The following HPSE2 variants were observed in gnomAD, a reference collection of about 807,000 sequenced individuals.
The protein encoded by HPSE2 is heparanase 2 (inactive), also known as inactive heparanase-2.
HPSE2 carries 38 observed loss-of-function variants against 60.5 expected under a neutral mutation model. The observed-to-expected ratio is 0.63, with a 90% CI of 0.48 to 0.82. The LOEUF (loss-of-function observed/expected upper bound fraction) is 0.82, where lower values mean the gene tolerates loss of function less well. HPSE2 is among the 40% of genes least tolerant of loss of function. The pLI is 0.00. For missense variants in HPSE2, 713 were observed against 740.4 expected (o/e 0.96, Z 0.43); for synonymous variants, 295 against 293.2 (o/e 1.01, Z -0.06).
At chr10:99,066,299 C>T (rs1184640430) in intron 3 of HPSE2, among the ~76,000 whole-genome samples, 4 of 151,980 alleles carry the variant, frequency 2.6e-5, no homozygotes, top group African/African-American at 9.7e-5. Flanking sequence ...TTTTAAATGG[C>T]TCTATTAGAA....
At chr10:98,664,426 A>C (rs750113601) in intron 6 of HPSE2, among the ~76,000 whole-genome samples, 12 of 152,126 alleles carry the variant, frequency 7.9e-5, no homozygotes, top group Non-Finnish European at 1.5e-4. Context: ...TTTGCCAGCC[A>C]GGGAATCTGC....
At chr10:98,531,747 T>C (rs1943137276) in intron 9 of HPSE2, among the ~76,000 whole-genome samples, 2 of 152,140 alleles carry the variant, frequency 1.3e-5, no homozygotes, top group Admixed American at 1.3e-4. Flanking sequence ...GCTATTTTTC[T>C]GGATATCTAA....
chr10:99,059,055 C>G (rs1260785088), intron 3 of HPSE2, among the ~76,000 whole-genome samples: 1 of 152,148 alleles, frequency 6.6e-6, no homozygotes, highest in African/African-American at 2.4e-5. Flanking sequence ...ATTTCATATA[C>G]TTTTCACATG....
At chr10:99,263,466 T>C in the HPSE2 span, among the ~76,000 whole-genome samples, 1 of 152,242 alleles carries the variant, frequency 6.6e-6, no homozygotes, top group Non-Finnish European at 1.5e-5. Context: ...CCATCATTAA[T>C]GCCTCTTTAA....
intron 9 of HPSE2, among the ~76,000 whole-genome samples, chr10:98,569,250 G>C (rs1269026040): frequency 6.6e-6 from 1 of 151,754 alleles, no homozygotes; most frequent in African/African-American, 2.4e-5. Flanking sequence ...ATTTTGAGAT[G>C]GGGTTTCACC....
intron 5 of HPSE2, among the ~76,000 whole-genome samples, chr10:98,715,155 G>A (rs934739817): frequency 6.6e-6 from 1 of 151,630 alleles, no homozygotes; most frequent in African/African-American, 2.4e-5. Flanking sequence ...CATTCTTGAT[G>A]GTGTCATTCG....
intron 3 of HPSE2, among the ~76,000 whole-genome samples, chr10:99,015,816 A>T (rs548495094): frequency 6.6e-6 from 1 of 152,326 alleles, no homozygotes; most frequent in Admixed American, 6.5e-5. Flanking sequence ...CTTAAAGTAT[A>T]ATTAAAATAA....
chr10:98,988,349 C>T (rs571793884), intron 3 of HPSE2, among the ~76,000 whole-genome samples: 290 of 152,378 alleles, frequency 1.9e-3, no homozygotes, highest in African/African-American at 6.8e-3. Flanking sequence ...CACATATCTA[C>T]AGCTATCTGA....
chr10:98,601,046 AG>A (rs1945411641), intron 9 of HPSE2, among the ~76,000 whole-genome samples: 1 of 151,184 alleles, frequency 6.6e-6, no homozygotes, highest in Non-Finnish European at 1.5e-5. Flanking sequence ...CAAAATCTGT[AG>A]GGTAGGCTGC....
At chr10:98,974,548 G>A (rs1402587341) in intron 3 of HPSE2, among the ~76,000 whole-genome samples, 1 of 152,118 alleles carries the variant, frequency 6.6e-6, no homozygotes, top group Non-Finnish European at 1.5e-5. Context: ...TTACAGGTGT[G>A]AGCCACTGCA....
chr10:99,139,609 G>A (rs1041473986), intron 3 of HPSE2, among the ~76,000 whole-genome samples: 3 of 151,958 alleles, frequency 2.0e-5, no homozygotes, highest in Admixed American at 6.6e-5. Context: ...ACGAACACAA[G>A]GATTTCATTT....
intron 9 of HPSE2, among the ~76,000 whole-genome samples, chr10:98,579,100 T>C (rs991962038): frequency 2.0e-5 from 3 of 147,926 alleles, no homozygotes; most frequent in East Asian, 4.0e-4. Context: ...CTGCAAAAAA[T>C]TGGATGGAGA....
At chr10:98,776,695 G>A (rs541396619) in intron 3 of HPSE2, among the ~76,000 whole-genome samples, 4 of 152,272 alleles carry the variant, frequency 2.6e-5, no homozygotes, top group African/African-American at 9.6e-5. Flanking sequence ...AAAACTAAAT[G>A]TAAGTGTGAT....
intron 3 of HPSE2, among the ~76,000 whole-genome samples, chr10:99,115,686 GT>G (rs1291007363): frequency 7.2e-5 from 11 of 151,754 alleles, no homozygotes; most frequent in Admixed American, 5.9e-4. Flanking sequence ...TTCCCATATT[GT>G]TTTTTTCTGA....
chr10:99,269,465 A>G, the HPSE2 span, among the ~76,000 whole-genome samples: 1 of 152,186 alleles, frequency 6.6e-6, no homozygotes, highest in Non-Finnish European at 1.5e-5. Flanking sequence ...AGCAATTAAT[A>G]CTAGACCTAA....
chr10:98,563,409 G>T (rs1456736607), intron 9 of HPSE2, among the ~76,000 whole-genome samples: 3 of 152,018 alleles, frequency 2.0e-5, no homozygotes, highest in Admixed American at 6.5e-5. Flanking sequence ...TTAGGGCTGG[G>T]AGGGTTGGGG....
chr10:99,261,115 C>T, the HPSE2 span, among the ~76,000 whole-genome samples: 1 of 152,142 alleles, frequency 6.6e-6, no homozygotes, highest in African/African-American at 2.4e-5. Context: ...ATTGGTCCCT[C>T]CCTAGTCTCT....
At chr10:98,474,596 C>T (rs1318227170) in intron 11 of HPSE2, among the ~76,000 whole-genome samples, 1 of 151,312 alleles carries the variant, frequency 6.6e-6, no homozygotes, top group Admixed American at 6.6e-5. Context: ...GAAATGAAAG[C>T]AAAAGTTATA....
intron 2 of HPSE2, among the ~76,000 whole-genome samples, chr10:99,207,528 T>C (rs1848798968): frequency 6.6e-6 from 1 of 152,172 alleles, no homozygotes; most frequent in African/African-American, 2.4e-5. Context: ...TTTATATCTT[T>C]AGTATAATGC....
Sources: allele counts gnomAD v4.1 joint callset (sites outside exome capture counted in the v4.1 genomes callset), GRCh38; gene constraint gnomAD v4.1.1; transcripts MANE v1.5; gene names NCBI Gene and HGNC (gene_info 2026-07-23, HGNC 2026-07-21).